DLG2: variants seen among roughly 807,000 people sequenced by gnomAD.
DLG2 encodes the protein disks large homolog 2.
Under a neutral mutation model 132.5 loss-of-function variants are expected in DLG2, and 45 were observed. That is an observed-to-expected ratio of 0.34 (90% CI 0.27 to 0.44). The LOEUF (loss-of-function observed/expected upper bound fraction) is 0.44, where lower values mean the gene tolerates loss of function less well. DLG2 is among the 20% of genes least tolerant of loss of function. DLG2 has a pLI of 1.00. For missense variants in DLG2, 1,045 were observed against 1,196.9 expected (o/e 0.87, Z 1.87); for synonymous variants, 424 against 419.6 (o/e 1.01, Z -0.13).
At chr11:83,894,166 C>T (rs2070842902) in intron 15 of DLG2, among the ~76,000 whole-genome samples, 1 of 152,162 alleles carries the variant, frequency 6.6e-6, no homozygotes, top group Non-Finnish European at 1.5e-5. Flanking sequence ...TGTAACCACC[C>T]ACATTCTGTT....
intron 6 of DLG2, among the ~76,000 whole-genome samples, chr11:84,766,503 A>G (rs1467619026): frequency 6.6e-6 from 1 of 152,100 alleles, no homozygotes; most frequent in African/African-American, 2.4e-5. Context: ...CCACTTTGTT[A>G]TGTACAAACA....
At chr11:85,029,087 T>C (rs1226698597) in intron 6 of DLG2, among the ~76,000 whole-genome samples, 1 of 152,154 alleles carries the variant, frequency 6.6e-6, no homozygotes, top group Non-Finnish European at 1.5e-5. Context: ...GGATGGTATA[T>C]GAAAGCACAA....
At chr11:83,709,364 C>A (rs1237817812) in intron 18 of DLG2, among the ~76,000 whole-genome samples, 1 of 147,946 alleles carries the variant, frequency 6.8e-6, no homozygotes, top group East Asian at 2.0e-4. Context: ...TATACACACA[C>A]ACACACATAT....
At chr11:83,664,630 T>G (rs1592018488) in intron 18 of DLG2, among the ~76,000 whole-genome samples, 1 of 152,166 alleles carries the variant, frequency 6.6e-6, no homozygotes, top group East Asian at 1.9e-4. Flanking sequence ...AGTCTCTAGC[T>G]TGGTGCTTGG....
intron 4 of DLG2, among the ~76,000 whole-genome samples, chr11:85,221,894 T>C (rs1474199578): frequency 6.6e-6 from 1 of 152,176 alleles, no homozygotes; most frequent in Non-Finnish European, 1.5e-5. Context: ...GTGAAGTACA[T>C]ATTATATCCA....
intron 11 of DLG2, among the ~76,000 whole-genome samples, chr11:84,002,728 G>T (rs558081935): frequency 3.4e-4 from 52 of 152,218 alleles, no homozygotes; most frequent in Admixed American, 2.9e-3. Context: ...GGTCTGTCAT[G>T]GGAGGGGTTG....
intron 21 of DLG2, among the ~76,000 whole-genome samples, chr11:83,518,863 TC>T (rs2095388293): frequency 6.6e-6 from 1 of 152,182 alleles, no homozygotes; most frequent in African/African-American, 2.4e-5. Context: ...AGAAGTTTGT[TC>T]CTGGGGTTTC....
At chr11:83,969,138 T>TA (rs1337398003) in intron 12 of DLG2, among the ~76,000 whole-genome samples, 1 of 152,148 alleles carries the variant, frequency 6.6e-6, no homozygotes, top group Non-Finnish European at 1.5e-5. Context: ...AAACTGTTTT[T>TA]TAAAGAGATT....
intron 3 of DLG2, among the ~76,000 whole-genome samples, chr11:85,466,442 G>C (rs1240176918): frequency 6.6e-6 from 1 of 152,152 alleles, no homozygotes; most frequent in African/African-American, 2.4e-5. Context: ...TATGGTTTTA[G>C]GTCTAATATG....
intron 3 of DLG2, among the ~76,000 whole-genome samples, chr11:85,391,390 T>C (rs537517418): frequency 2.6e-5 from 4 of 152,058 alleles, no homozygotes; most frequent in Non-Finnish European, 5.9e-5. Flanking sequence ...ATCCCATTGG[T>C]ACTATTCCAA....
At chr11:85,396,488 G>A (rs1024699065) in intron 3 of DLG2, among the ~76,000 whole-genome samples, 1 of 152,100 alleles carries the variant, frequency 6.6e-6, no homozygotes, top group South Asian at 2.1e-4. Flanking sequence ...CCAAGCTAAA[G>A]GAGCATGTTC....
At chr11:85,319,811 T>C (rs143835306) in intron 3 of DLG2, among the ~76,000 whole-genome samples, 141 of 152,012 alleles carry the variant, frequency 9.3e-4, no homozygotes, top group African/African-American at 3.0e-3. Flanking sequence ...AAATCCTGTG[T>C]CTCTGATGAC....
chr11:84,282,883 C>T (rs940278184), intron 7 of DLG2, among the ~76,000 whole-genome samples: 2 of 152,156 alleles, frequency 1.3e-5, no homozygotes, highest in African/African-American at 4.8e-5. Context: ...CTCTCAAGTT[C>T]TTTCAGAGCC....
In DLG2 at chr11:84,637,162, C is replaced by CAGTG. The variant is rs567609044; in HGVS notation, c.358-102435_358-102432dup. 8.9e-4 allele frequency among the ~76,000 whole-genome samples: 136 copies of CAGTG among 152,216 alleles called. 1 individual carries two copies. The highest frequency in any genetic ancestry group is 3.2e-3 in the African/African-American group (133 of 41,522). ...GTAAGTGTCCAAAGAAAGCGATGTC[C>CAGTG]AGTGGGCTTTGCAGGCCAGAGGACA... On this transcript the variant is annotated intron_variant, in intron 6 of 27. Transcript: ENST00000376104.
chr11:84,154,053 A>C (rs2154253730), intron 9 of DLG2, among the ~76,000 whole-genome samples: 1 of 152,242 alleles, frequency 6.6e-6, no homozygotes, highest in African/African-American at 2.4e-5. Flanking sequence ...GCTGGAGTGC[A>C]GTGGTGTGAT....
intron 6 of DLG2, among the ~76,000 whole-genome samples, chr11:84,807,588 G>A (rs1053215235): frequency 6.6e-6 from 1 of 152,046 alleles, no homozygotes; most frequent in Non-Finnish European, 1.5e-5. Context: ...AAAAAAATAA[G>A]CCAACTCTAT....
intron 5 of DLG2, among the ~76,000 whole-genome samples, chr11:85,132,464 A>C (rs1296950970): frequency 2.6e-5 from 4 of 152,108 alleles, no homozygotes; most frequent in African/African-American, 9.7e-5. Flanking sequence ...ACTACTATAG[A>C]TATTTCTATT....
chr11:84,114,268 A>AT (rs2093516913), intron 9 of DLG2, among the ~76,000 whole-genome samples: 1 of 152,146 alleles, frequency 6.6e-6, no homozygotes, highest in Non-Finnish European at 1.5e-5. Flanking sequence ...CTGAGACCAA[A>AT]ATGTTTTAGA....
intron 9 of DLG2, among the ~76,000 whole-genome samples, chr11:84,149,268 G>T (rs1458985302): frequency 3.9e-5 from 6 of 152,006 alleles, no homozygotes; most frequent in African/African-American, 1.4e-4. Context: ...TTCCTTTTGA[G>T]GATTTTGCCA....
Sources: allele counts gnomAD v4.1 joint callset (sites outside exome capture counted in the v4.1 genomes callset), GRCh38; gene constraint gnomAD v4.1.1; transcripts MANE v1.5; gene names NCBI Gene and HGNC (gene_info 2026-07-23, HGNC 2026-07-21).